ERBB3: variants seen among roughly 807,000 people sequenced by gnomAD.
The protein encoded by ERBB3 is erb-b2 receptor tyrosine kinase 3, also known as receptor tyrosine-protein kinase erbB-3.
Under a neutral mutation model 156.7 loss-of-function variants are expected in ERBB3, and 96 were observed. That is an observed-to-expected ratio of 0.61 (90% CI 0.52 to 0.73). The LOEUF is 0.73. Among genes scored for constraint, ERBB3 ranks in the 30% least tolerant of loss-of-function variants. ERBB3 has a pLI of 0.00. For missense variants in ERBB3, 1,406 were observed against 1,709.4 expected, an observed-to-expected ratio of 0.82 and a Z score of 3.13; for synonymous variants, 567 against 632.0, an observed-to-expected ratio of 0.90 and a Z score of 1.54.
intron 1 of ERBB3, among the ~76,000 whole-genome samples, chr12:56,083,105 C>G (rs569440687): frequency 5.3e-5 from 8 of 152,134 alleles, no homozygotes; most frequent in African/African-American, 7.2e-5. Flanking sequence ...GAGCTCCCCC[C>G]TCTACTGAGG....
chr12:56,093,563 G>C lies in ERBB3; in HGVS notation c.1480+13G>C, dbSNP rs759756702. The stretch of plus-strand genomic sequence containing the variant: ...CGCAGAGACTGCGGTGAGGGAAAGG[G>C]TCTGCTAGGTGGTGAGAATAGGGAG... On this transcript the variant is annotated intron_variant, in intron 12 of 27. Transcript: ENST00000267101. The C allele has an allele frequency of 6.2e-7, 1 of 1,607,112 alleles. No homozygotes were observed. The highest frequency in any genetic ancestry group is 1.1e-5 in the South Asian group (1 of 91,002).
intron 2 of ERBB3, 123 bp downstream of exon 2, chr12:56,084,025 A>G: frequency 1.0e-6 from 1 of 982,836 alleles, no homozygotes; most frequent in Non-Finnish European, 1.6e-6. Context: ...AGTTCCTAAG[A>G]TTCAAAACCG....
chr12:56,099,995 G>T lies in ERBB3; in HGVS notation c.3095G>T (p.Ser1032Ile). ...ACCACCACACTGGGCTCCGCCCTCA[G>T]CCTACCAGTTGGAACACTTAATCGG... Reference protein sequence around the residue: ...LATTTLGSALSLPVGTLNRPR... With the variant: ...LATTTLGSALILPVGTLNRPR... Residue 1032 changes from serine (S) to isoleucine (I), a missense_variant, in exon 25 of 28, where the codon AGC becomes ATC. Around this residue, in one of 3 missense-constraint regions of ERBB3, gnomAD observed 415 missense variants for 454.1 expected, o/e 0.91. Coordinates refer to ENST00000267101, the MANE Select transcript of ERBB3 (RefSeq NM_001982.4). The T allele has an allele frequency of 6.2e-7, 1 of 1,614,206 alleles. No individual in the cohort carries two copies. Among genetic ancestry groups the T allele is most frequent in the Non-Finnish European group, 8.5e-7 (1 of 1,180,040 alleles).
In ERBB3 at chr12:56,103,451, G is replaced by C. The variant is rs1869194964; in HGVS notation, c.*1396G>C. ...GGAAAACGTCTGTTGTATCACTGAA[G>C]TTTTTTGTTTTGTTTTTATACGTGT... On this transcript the variant is annotated 3_prime_UTR_variant, in exon 28 of 28. Coordinates refer to ENST00000267101, the MANE Select transcript of ERBB3 (RefSeq NM_001982.4). 1 of 205,094 alleles carries C rather than the reference G, an allele frequency of 4.9e-6. No individual in the cohort carries two copies. The allele number at this position is 205,094 out of a possible 1,614,324, so 12.7% of individuals were successfully genotyped here.
At position 56,087,787 on chromosome 12, in the gene ERBB3, TTC is replaced by T. The variant is rs1645247307; in HGVS notation, c.614-7_614-6del. ...GCCCTAACAGCCATGCTTTCTCTCC[TTC>T]CATAGTGACCAAGACCATCTGTGCT... On this transcript the variant is annotated splice_region_variant and splice_polypyrimidine_tract_variant and intron_variant, in intron 5 of 27. Transcript: ENST00000267101. The T allele has an allele frequency of 6.2e-7, 1 of 1,612,218 alleles. No homozygotes were observed. The highest frequency in any genetic ancestry group is 8.5e-7 in the Non-Finnish European group (1 of 1,178,286).
Position 56,080,251 on chromosome 12 carries a change from G to A in ERBB3, c.-50G>A. 1 of 1,471,190 alleles carries A rather than the reference G, an allele frequency of 6.8e-7. No individual in the cohort carries two copies. The allele number at this position is 1,471,190 out of a possible 1,614,324, so 91.1% of individuals were successfully genotyped here. A position where few individuals can be genotyped will look rare whatever the true frequency, so the allele number is the denominator to read the frequency against. ...GCTCTTGCCTCGATGTCCTAGCCTA[G>A]GGGCCCCCGGGCCGGACTTGGCTGG... On this transcript the variant is annotated 5_prime_UTR_variant, in exon 1 of 28. Coordinates refer to ENST00000267101, the MANE Select transcript of ERBB3 (RefSeq NM_001982.4).
intron 17 of ERBB3, 182 bp downstream of exon 17, chr12:56,095,988 A>C (rs996379688): frequency 2.9e-6 from 2 of 678,912 alleles, no homozygotes; most frequent in Non-Finnish European, 5.1e-6. Flanking sequence ...GTGGTCCCCT[A>C]GAAGAACACT....
intron 16 of ERBB3, 93 bp from the exon 17 acceptor site, chr12:56,095,572 C>T: frequency 1.4e-6 from 2 of 1,462,676 alleles, no homozygotes; most frequent in Non-Finnish European, 1.9e-6. Context: ...TTTCTTGCCC[C>T]AGGTCAGCAT....
Position 56,096,607 on chromosome 12 carries a change from T to A in ERBB3, c.2160T>A (p.Phe720Leu), listed in dbSNP as rs779910792. 2 of 1,614,196 alleles carry A rather than the reference T, an allele frequency of 1.2e-6. No homozygotes were observed. Among genetic ancestry groups the A allele is most frequent in the South Asian group, 2.2e-5 (2 of 91,084 alleles). Residue 720 changes from phenylalanine (F) to leucine (L), a missense_variant, in exon 18 of 28, where the codon TTT becomes TTA. Around this residue, in one of 3 missense-constraint regions of ERBB3, gnomAD observed 979 missense variants for 1,219.6 expected, o/e 0.80. Transcript: ENST00000267101. ...TTAAAGTGCTTGGCTCGGGTGTCTT[T>A]GGAACTGTGCACAAAGTGAGTGACC... ...RKLKVLGSGV[F>L]GTVHKGVWIP...
In ERBB3 at chr12:56,086,523, T is replaced by C. The variant is rs745388282; in HGVS notation, c.422-8T>C. On this transcript the variant is annotated splice_region_variant and splice_polypyrimidine_tract_variant and intron_variant, in intron 3 of 27. Transcript: ENST00000267101. ...CCCTTAACCCTGTCACTTCTTTCCCTACCTCAGAGATTCTGTCAGGGGGTG... is the reference window on the plus strand; with the variant it reads ...CCCTTAACCCTGTCACTTCTTTCCCCACCTCAGAGATTCTGTCAGGGGGTG... 4.3e-6 allele frequency: 7 copies of C among 1,614,096 alleles called. No individual in the cohort carries two copies. The East Asian group carries it at 1.6e-4, about 36-fold the overall frequency.
At chr12:56,093,619 T>A in intron 12 of ERBB3, 69 bp downstream of exon 12, 1 of 1,549,974 alleles carries the variant, frequency 6.5e-7, no homozygotes, top group Non-Finnish European at 8.8e-7. Context: ...AGGACTATTC[T>A]GCCCTAGACG....
intron 11 of ERBB3, 58 bp downstream of exon 11, chr12:56,093,134 CA>C (rs976428450): frequency 3.0e-6 from 4 of 1,353,256 alleles, no homozygotes; most frequent in Non-Finnish European, 4.2e-6. Context: ...GTGTCATAGG[CA>C]TTCTTTAGTA....
Position 56,097,898 on chromosome 12 carries a change from GCTGCCTC to G in ERBB3, c.2578_2584del (p.Pro860MetfsTer38). 1 of 1,613,864 alleles carries G rather than the reference GCTGCCTC, an allele frequency of 6.2e-7. No individual in the cohort carries two copies. Among genetic ancestry groups the G allele is most frequent in the Non-Finnish European group, 8.5e-7 (1 of 1,180,022 alleles). ...TGGCAGATTTTGGTGTGGCTGACCT[GCTGCCTC>G]CTGATGATAAGCAGCTGCTATACAG... is the stretch of plus-strand genomic sequence containing the variant. On this transcript the variant is annotated frameshift_variant, in exon 21 of 28. Transcript: ENST00000267101. LOFTEE classifies it high-confidence loss of function.
rs2136823070 is a variant in ERBB3, at chr12:56,098,903, A to G, written c.2837A>G (p.Lys946Arg). The G allele has an allele frequency of 6.2e-7, 1 of 1,613,420 alleles. No homozygotes were observed. The highest frequency in any genetic ancestry group is 8.5e-7 in the Non-Finnish European group (1 of 1,179,704). Residue 946 changes from lysine to arginine, a missense_variant and splice_region_variant, in exon 23 of 28, where the codon AAG becomes AGG. This residue lies in a region of ERBB3 where 979 missense variants were observed against 1,219.6 expected (regional missense o/e 0.80). Transcript: ENST00000267101. ...ATTGATGTCTACATGGTGATGGTCA[A>G]GTGTGAGTTACCTGCTGAGCCCAAC... ...CTIDVYMVMVKCWMIDENIRP... is the reference protein window; with the variant it reads ...CTIDVYMVMVRCWMIDENIRP...
In ERBB3 at chr12:56,087,985, C is replaced by T. The variant is rs369605715; in HGVS notation, c.733-36C>T. 2.4e-5 allele frequency: 38 copies of T among 1,614,060 alleles called. No individual in the cohort carries two copies. In the African/African-American group the frequency reaches 3.7e-4, roughly 16 times the overall value. On this transcript the variant is annotated intron_variant, in intron 6 of 27. Transcript: ENST00000267101. Reference sequence around the variant, plus strand: ...TTTGAGGAGGAGGTAGGGGTACACACGTAACATAAATCTGATGAGCCTCCT... The same window carrying T: ...TTTGAGGAGGAGGTAGGGGTACACATGTAACATAAATCTGATGAGCCTCCT...
intron 1 of ERBB3, among the ~76,000 whole-genome samples, chr12:56,081,564 G>T (rs76219216): frequency 6.6e-6 from 1 of 152,178 alleles, no homozygotes; most frequent in East Asian, 1.9e-4. Flanking sequence ...GGGGACTGGC[G>T]TGGGAGGGAG....
chr12:56,096,840 G>T lies in ERBB3; in HGVS notation c.2268G>T (p.Val756=). 1 of 1,611,578 alleles carries T rather than the reference G, an allele frequency of 6.2e-7. No individual in the cohort carries two copies. The highest frequency in any genetic ancestry group is 1.1e-5 in the South Asian group (1 of 91,012). Residue 756 remains valine, a synonymous_variant, in exon 19 of 28, where the codon GTG becomes GTT. Transcript: ENST00000267101. The part of the protein sequence containing the change: ...DKSGRQSFQA[V]TDHMLAIGSL... The stretch of plus-strand genomic sequence containing the variant: ...GTGGACGGCAGAGTTTTCAAGCTGT[G>T]ACAGATGTAAGTGAAGGAAATTCTG...
chr12:56,092,727 G>C lies in ERBB3; in HGVS notation c.1110-20G>C. On this transcript the variant is annotated intron_variant, in intron 9 of 27. Coordinates refer to ENST00000267101, the MANE Select transcript of ERBB3 (RefSeq NM_001982.4). ...AGTTATACCTTTACCTTATTGACTG[G>C]TTTCTACTGTTCTATTCAGAGACCC... The C allele has an allele frequency of 6.3e-7, 1 of 1,594,548 alleles. No homozygotes were observed. The highest frequency in any genetic ancestry group is 8.6e-7 in the Non-Finnish European group (1 of 1,162,218).
chr12:56,100,292 GA>G, intron 26 of ERBB3, 47 bp downstream of exon 26: 1 of 1,407,558 alleles, frequency 7.1e-7, no homozygotes. Context: ...AGATTGATAC[GA>G]GTAGTATGGA....
Sources: allele counts gnomAD v4.1 joint callset (sites outside exome capture counted in the v4.1 genomes callset), GRCh38; gene constraint gnomAD v4.1.1; regional missense constraint gnomAD v4.1.1; transcripts MANE v1.5; gene names NCBI Gene and HGNC (gene_info 2026-07-23, HGNC 2026-07-21).